FGD4: variants seen among roughly 807,000 people sequenced by gnomAD.
FGD4 encodes the protein FYVE, RhoGEF and PH domain containing 4.
In FGD4, 42 loss-of-function variants were observed where a neutral mutation model predicts 102.0. The ratio of observed to expected loss-of-function variants is 0.41; its 90% CI spans 0.32 to 0.53. The LOEUF is 0.53. FGD4 is among the 20% of genes least tolerant of loss of function. The pLI is 0.21. For synonymous variants in FGD4, 380 were observed against 375.7 expected (o/e 1.01, Z -0.13); for missense variants, 902 against 1,078.2 (o/e 0.84, Z 2.29).
intron 1 of FGD4, among the ~76,000 whole-genome samples, chr12:32,542,353 A>T (rs184666134): frequency 2.0e-4 from 31 of 152,382 alleles, no homozygotes; most frequent in African/African-American, 6.7e-4. Context: ...ATTAATAGCA[A>T]CAATGTCAGG....
intron 1 of FGD4, among the ~76,000 whole-genome samples, chr12:32,498,249 T>C (rs1181238355): frequency 6.6e-6 from 1 of 152,150 alleles, no homozygotes; most frequent in Non-Finnish European, 1.5e-5. Context: ...AAGGGAAAAA[T>C]GGCAACATCT....
chr12:32,417,238 G>A (rs1426998003), intron 1 of FGD4, among the ~76,000 whole-genome samples: 1 of 152,068 alleles, frequency 6.6e-6, no homozygotes, highest in Non-Finnish European at 1.5e-5. Flanking sequence ...AGCATTTTTT[G>A]TAGGACAGGT....
chr12:32,599,499 A>AAAAAAAAAAAAAAAAG (rs1440115921), intron 5 of FGD4, among the ~76,000 whole-genome samples: 3 of 123,588 alleles, frequency 2.4e-5, no homozygotes, highest in African/African-American at 6.8e-5. Context: ...CGTCTCAAAA[A>AAAAAAAAAAAAAAAAG]AAAAAAAAAG....
intron 11 of FGD4, among the ~76,000 whole-genome samples, chr12:32,620,596 G>A (rs796473975): frequency 5.0e-5 from 7 of 140,080 alleles, no homozygotes; most frequent in Admixed American, 1.6e-4. Flanking sequence ...GTGCAGTCTC[G>A]GCTCACTGCA....
chr12:32,560,541 T>C (rs2136245710), intron 1 of FGD4, among the ~76,000 whole-genome samples: 1 of 152,298 alleles, frequency 6.6e-6, no homozygotes, highest in East Asian at 1.9e-4. Context: ...CGTGAGCCAC[T>C]GCACCCAGCC....
rs1951183446 is a variant in FGD4, at chr12:32,642,115, A to G, written c.*1582A>G. 6.6e-6 allele frequency: 1 copy of G among 152,132 alleles called. No homozygotes were observed. Among genetic ancestry groups the G allele is most frequent in the Admixed American group, 6.6e-5 (1 of 15,266 alleles). 9.4% of individuals were successfully genotyped at this position (152,132 alleles called of 1,614,324 possible). A position where few individuals can be genotyped will look rare whatever the true frequency, so the allele number is the denominator to read the frequency against. The stretch of plus-strand genomic sequence containing the variant: ...TTATTTTTTCCACCCCAAAGGAGCA[A>G]GTGAACCAATTATTGCTGACATAAT... On this transcript the variant is annotated 3_prime_UTR_variant, in exon 17 of 17. Coordinates refer to ENST00000534526, the MANE Select transcript of FGD4 (RefSeq NM_001370298.3).
chr12:32,403,027 A>G (rs1039138931), intron 1 of FGD4, among the ~76,000 whole-genome samples: 3 of 152,200 alleles, frequency 2.0e-5, no homozygotes, highest in Non-Finnish European at 2.9e-5. Flanking sequence ...AGTTCATTCT[A>G]TAGCACCTAG....
intron 2 of FGD4, among the ~76,000 whole-genome samples, chr12:32,567,555 G>T (rs558334041): frequency 1.3e-5 from 2 of 152,090 alleles, no homozygotes; most frequent in East Asian, 1.9e-4. Flanking sequence ...CCACAACAAA[G>T]AATTCGTACA....
chr12:32,401,681 A>G (rs530893935), intron 1 of FGD4, among the ~76,000 whole-genome samples: 11 of 151,848 alleles, frequency 7.2e-5, no homozygotes, highest in Middle Eastern at 3.4e-3. Context: ...GTGGCAGTCT[A>G]CAAATCATTT....
chr12:32,485,103 C>T (rs1300805998), intron 1 of FGD4, among the ~76,000 whole-genome samples: 1 of 152,132 alleles, frequency 6.6e-6, no homozygotes, highest in Non-Finnish European at 1.5e-5. Flanking sequence ...GATGGGGTCT[C>T]ACCATGTTGC....
chr12:32,514,252 A>C (rs1361425884), intron 1 of FGD4, among the ~76,000 whole-genome samples: 2 of 152,206 alleles, frequency 1.3e-5, no homozygotes, highest in Non-Finnish European at 2.9e-5. Flanking sequence ...GTTATACAAT[A>C]CAGAAGCAGT....
At chr12:32,465,350 A>G (rs944253180) in intron 1 of FGD4, among the ~76,000 whole-genome samples, 1 of 151,714 alleles carries the variant, frequency 6.6e-6, no homozygotes, top group Non-Finnish European at 1.5e-5. Flanking sequence ...AACAGCCACC[A>G]CCCTCATCAG....
intron 1 of FGD4, among the ~76,000 whole-genome samples, chr12:32,458,491 A>AAT (rs986252939): frequency 6.6e-6 from 1 of 152,070 alleles, no homozygotes; most frequent in African/African-American, 2.4e-5. Flanking sequence ...TTAAATTTCT[A>AAT]ATATATATAA....
At chr12:32,624,913 A>T in intron 12 of FGD4, 63 bp from the exon 13 acceptor site, 1 of 1,337,640 alleles carries the variant, frequency 7.5e-7, no homozygotes, top group South Asian at 1.2e-5. Flanking sequence ...TGTTTGATAA[A>T]GTATATTCAT....
chr12:32,524,822 TC>T (rs1565801522), intron 1 of FGD4, among the ~76,000 whole-genome samples: 1 of 132,696 alleles, frequency 7.5e-6, no homozygotes, highest in South Asian at 2.7e-4. Context: ...AGACACTGTT[TC>T]AAAAAAAAAA....
At chr12:32,496,562 G>A (rs1396687485) in intron 1 of FGD4, among the ~76,000 whole-genome samples, 1 of 152,104 alleles carries the variant, frequency 6.6e-6, no homozygotes, top group Non-Finnish European at 1.5e-5. Flanking sequence ...GCATATTATA[G>A]AAGTCTCATT....
chr12:32,535,794 G>A (rs752727237), intron 1 of FGD4, among the ~76,000 whole-genome samples: 2 of 152,160 alleles, frequency 1.3e-5, no homozygotes, highest in Non-Finnish European at 2.9e-5. Context: ...CTCCTGGAAG[G>A]CAGCTCTTAA....
intron 14 of FGD4, among the ~76,000 whole-genome samples, chr12:32,632,705 A>ATTTTTTTT (rs1275380016): frequency 1.6e-5 from 2 of 124,884 alleles, no homozygotes; most frequent in African/African-American, 6.4e-5. Flanking sequence ...TTATTTATTT[A>ATTTTTTTT]TTTATTTATT....
intron 4 of FGD4, among the ~76,000 whole-genome samples, chr12:32,595,105 G>A (rs1203110645): frequency 1.3e-5 from 2 of 151,106 alleles, no homozygotes; most frequent in Admixed American, 1.3e-4. Flanking sequence ...TATTTCCTGT[G>A]AATATGAAGG....
Sources: gnomAD v4.1 joint callset for allele counts (sites outside exome capture counted in the v4.1 genomes callset) on GRCh38, gnomAD v4.1.1 for gene constraint, MANE v1.5 for transcripts, NCBI Gene and HGNC (gene_info 2026-07-23, HGNC 2026-07-21) for gene names.